Variants in JARID2 observed in about 807,000 individuals in gnomAD.
The protein encoded by JARID2 is protein Jumonji.
In JARID2, 21 loss-of-function variants were observed where a neutral mutation model predicts 125.6. That is an observed-to-expected ratio of 0.17 (90% CI 0.12 to 0.24). JARID2 has a LOEUF of 0.24. Among genes scored for constraint, JARID2 ranks in the 10% least tolerant of loss-of-function variants. The probability of loss-of-function intolerance (pLI) is 1.00; values close to 1 mark genes in which losing one functional copy is unlikely to be tolerated. For missense variants in JARID2, 1,303 were observed against 1,639.6 expected, an observed-to-expected ratio of 0.79 and a Z score of 3.55; for synonymous variants, 736 against 661.6, an observed-to-expected ratio of 1.11 and a Z score of -1.73.
At chr6:15,489,400 C>G (rs1439250666) in intron 6 of JARID2, among the ~76,000 whole-genome samples, 1 of 152,172 alleles carries the variant, frequency 6.6e-6, no homozygotes, top group Non-Finnish European at 1.5e-5. Flanking sequence ...TGTGACTGTT[C>G]ATGTTCTCAT....
intron 1 of JARID2, among the ~76,000 whole-genome samples, chr6:15,286,411 C>G (rs1253197437): frequency 6.6e-6 from 1 of 151,546 alleles, no homozygotes; most frequent in Non-Finnish European, 1.5e-5. Context: ...ACCACCACAC[C>G]CGGCTAATTT....
At chr6:15,331,306 C>T (rs1295315417) in intron 1 of JARID2, among the ~76,000 whole-genome samples, 1 of 146,710 alleles carries the variant, frequency 6.8e-6, no homozygotes, top group East Asian at 2.0e-4. Flanking sequence ...TGCACTCCAG[C>T]CTGGGTGGCA....
At chr6:15,290,261 T>C (rs1761156308) in intron 1 of JARID2, among the ~76,000 whole-genome samples, 1 of 152,236 alleles carries the variant, frequency 6.6e-6, no homozygotes, top group South Asian at 2.1e-4. Context: ...TAATACTTCA[T>C]CGTATGGACA....
chr6:15,447,580 C>T (rs1288142227), intron 3 of JARID2, among the ~76,000 whole-genome samples: 1 of 152,186 alleles, frequency 6.6e-6, no homozygotes, highest in Non-Finnish European at 1.5e-5. Flanking sequence ...CCAGGAACCC[C>T]GTGCTCTCTC....
At chr6:15,351,510 C>T (rs1763427605) in intron 1 of JARID2, among the ~76,000 whole-genome samples, 1 of 152,162 alleles carries the variant, frequency 6.6e-6, no homozygotes. Flanking sequence ...GCAGATCTTT[C>T]TGGGTCCCAC....
At chr6:15,484,708 AGGG>A (rs1769783454) in intron 5 of JARID2, among the ~76,000 whole-genome samples, 1 of 152,244 alleles carries the variant, frequency 6.6e-6, no homozygotes, top group Non-Finnish European at 1.5e-5. Flanking sequence ...AATGTTTTGA[AGGG>A]CGGGAAACCC....
intron 16 of JARID2, among the ~76,000 whole-genome samples, chr6:15,515,047 C>CT (rs60113331): frequency 7.9e-5 from 12 of 151,070 alleles, no homozygotes; most frequent in South Asian, 2.1e-4. Context: ...TCTCTCTGTT[C>CT]TTTTTTTTTT....
rs530591481 is a variant in JARID2, at chr6:15,476,324, T to C, written c.670+7606T>C. On this transcript the variant is annotated intron_variant, in intron 5 of 17. Transcript: ENST00000341776. ...CTTGTTTCTCCACAAAAGAGCAGAG[T>C]GGCTCTGGTCATGGAGCCGGGACCT... Among the ~76,000 whole-genome samples, 3 of 152,246 alleles carry C rather than the reference T, an allele frequency of 2.0e-5. No homozygotes were observed. The East Asian group carries it at 5.8e-4, about 29-fold the overall frequency.
chr6:15,447,568 C>A (rs531044004), intron 3 of JARID2, among the ~76,000 whole-genome samples: 1 of 152,310 alleles, frequency 6.6e-6, no homozygotes, highest in African/African-American at 2.4e-5. Context: ...ACCTCTTCAA[C>A]CCCAGGAACC....
intron 2 of JARID2, among the ~76,000 whole-genome samples, chr6:15,392,182 C>G (rs938009956): frequency 3.3e-5 from 5 of 152,040 alleles, no homozygotes; most frequent in African/African-American, 1.2e-4. Context: ...TACTGTCAAG[C>G]CACGTTAAGG....
Position 15,291,814 on chromosome 6 carries a change from G to T in JARID2, c.45+45230G>T, listed in dbSNP as rs147481012. Among the ~76,000 whole-genome samples, 385 of 152,106 alleles carry T rather than the reference G, an allele frequency of 2.5e-3. 2 individuals are homozygous for T. The highest frequency in any genetic ancestry group is 8.7e-3 in the African/African-American group (362 of 41,498). On this transcript the variant is annotated intron_variant, in intron 1 of 17. Transcript: ENST00000341776. ...ATTTTGCTGTAATTTTTTTATAGTTGTTCTTTCCTTCCATTCAAATATTTT... is the reference window on the plus strand; with the variant it reads ...ATTTTGCTGTAATTTTTTTATAGTTTTTCTTTCCTTCCATTCAAATATTTT...
At position 15,311,216 on chromosome 6, in the gene JARID2, C is replaced by A. The variant is rs560314879; in HGVS notation, c.46-62901C>A. 2.2e-3 allele frequency among the ~76,000 whole-genome samples: 328 copies of A among 152,278 alleles called. 5 individuals carry two copies. Among genetic ancestry groups the A allele is most frequent in the Non-Finnish European group, 5.6e-4 (38 of 68,022 alleles). On this transcript the variant is annotated intron_variant, in intron 1 of 17. Transcript: ENST00000341776. The stretch of plus-strand genomic sequence containing the variant: ...CAGTAACCCCTAGCAGTGCCCATCA[C>A]CAGCCTCACACCACCTTGTACCAGT...
intron 1 of JARID2, among the ~76,000 whole-genome samples, chr6:15,352,196 T>A (rs1166334092): frequency 6.6e-6 from 1 of 152,164 alleles, no homozygotes; most frequent in Non-Finnish European, 1.5e-5. Context: ...TTATTCATTA[T>A]AACAGAAAAT....
At chr6:15,321,780 C>CTT (rs1762364439) in intron 1 of JARID2, among the ~76,000 whole-genome samples, 7 of 83,704 alleles carry the variant, frequency 8.4e-5, no homozygotes, top group African/African-American at 3.2e-4. Context: ...TGGAAGAATT[C>CTT]TTGTTTTTTT....
chr6:15,469,945 G>A (rs1374702500), intron 5 of JARID2, among the ~76,000 whole-genome samples: 1 of 152,074 alleles, frequency 6.6e-6, no homozygotes, highest in African/African-American at 2.4e-5. Flanking sequence ...TTGGGAGGCT[G>A]AGGTGGGCAG....
chr6:15,327,954 A>G (rs1270423529), intron 1 of JARID2, among the ~76,000 whole-genome samples: 1 of 152,122 alleles, frequency 6.6e-6, no homozygotes, highest in Non-Finnish European at 1.5e-5. Flanking sequence ...CACACATTAT[A>G]CAGTATCTTG....
At chr6:15,408,124 C>A (rs1023605925) in intron 2 of JARID2, among the ~76,000 whole-genome samples, 1 of 152,042 alleles carries the variant, frequency 6.6e-6, no homozygotes, top group Non-Finnish European at 1.5e-5. Flanking sequence ...ATTAGCTGGG[C>A]ATGGTGGCAT....
chr6:15,502,166 A>G (rs866958478), intron 8 of JARID2, among the ~76,000 whole-genome samples: 1 of 152,340 alleles, frequency 6.6e-6, no homozygotes, highest in East Asian at 1.9e-4. Flanking sequence ...CCGGCAGCAC[A>G]CTCATCCTGA....
chr6:15,261,314 T>C (rs111449144), intron 1 of JARID2, among the ~76,000 whole-genome samples: 557 of 66,832 alleles, frequency 8.3e-3, no homozygotes, highest in East Asian at 0.014. Flanking sequence ...TCTTCTTCTT[T>C]TTTTTTTTTT....
Sources: allele counts gnomAD v4.1 joint callset (sites outside exome capture counted in the v4.1 genomes callset), GRCh38; gene constraint gnomAD v4.1.1; transcripts MANE v1.5; gene names NCBI Gene and HGNC (gene_info 2026-07-23, HGNC 2026-07-21).